CFAP97: variants seen among roughly 807,000 people sequenced by gnomAD.
The protein encoded by CFAP97 is cilia- and flagella-associated protein 97.
In CFAP97, 36 loss-of-function variants were observed where a neutral mutation model predicts 43.1. The observed-to-expected ratio is 0.84, with a 90% CI of 0.64 to 1.10. CFAP97 has a LOEUF of 1.10. Among genes scored for constraint, CFAP97 ranks in the 50% least tolerant of loss-of-function variants. The probability of loss-of-function intolerance (pLI) is 0.00; values close to 1 mark genes in which losing one functional copy is unlikely to be tolerated. For missense variants in CFAP97, 657 were observed against 620.3 expected, an observed-to-expected ratio of 1.06 and a Z score of -0.63; for synonymous variants, 228 against 225.7, an observed-to-expected ratio of 1.01 and a Z score of -0.09.
intron 1 of CFAP97, among the ~76,000 whole-genome samples, chr4:185,199,758 A>G (rs1210860121): frequency 1.3e-5 from 2 of 152,238 alleles, no homozygotes; most frequent in African/African-American, 2.4e-5. Context: ...CAAAAAGCCC[A>G]AATGACAGCA....
chr4:185,187,545 A>G (rs2111378527), intron 2 of CFAP97, among the ~76,000 whole-genome samples: 1 of 152,030 alleles, frequency 6.6e-6, no homozygotes, highest in South Asian at 2.1e-4. Flanking sequence ...CTTGAGAAAC[A>G]GGGAGAAGCA....
At chr4:185,169,819 G>A in intron 3 of CFAP97, 1 of 985,382 alleles carries the variant, frequency 1.0e-6, no homozygotes, top group Non-Finnish European at 1.2e-6. Flanking sequence ...TTCAACAGTG[G>A]GAGTCACACT....
intron 3 of CFAP97, among the ~76,000 whole-genome samples, chr4:185,174,412 A>G (rs764678627): frequency 5.3e-5 from 8 of 152,148 alleles, no homozygotes; most frequent in Non-Finnish European, 1.5e-5. Flanking sequence ...ATCCTCTTGA[A>G]GGGTTCAAGA....
chr4:185,210,243 C>T, upstream of CFAP97: 1 of 985,024 alleles, frequency 1.0e-6, no homozygotes. This position sits in a 1 kb window ranked among gnomAD's most constrained non-coding sequence, Gnocchi z 4.4. Context: ...CAGCCGCCCG[C>T]CGCCCGCCGG....
At chr4:185,165,001 G>A (rs922532183) in intron 3 of CFAP97, among the ~76,000 whole-genome samples, 1 of 152,130 alleles carries the variant, frequency 6.6e-6, no homozygotes, top group East Asian at 1.9e-4. Context: ...GAGGGCCCTC[G>A]GGTCTTCCAC....
chr4:185,177,670 A>T (rs2111349252), intron 2 of CFAP97, among the ~76,000 whole-genome samples: 1 of 152,108 alleles, frequency 6.6e-6, no homozygotes, highest in Non-Finnish European at 1.5e-5. Context: ...CCCCGTCTCT[A>T]CTAAAAATAC....
intron 2 of CFAP97, among the ~76,000 whole-genome samples, chr4:185,178,158 C>T (rs939377930): frequency 8.1e-5 from 12 of 149,066 alleles, no homozygotes; most frequent in African/African-American, 3.0e-4. Flanking sequence ...TTTTGTAGAA[C>T]AAGGCTTCTA....
At chr4:185,184,569 T>G (rs1316064699) in intron 2 of CFAP97, among the ~76,000 whole-genome samples, 1 of 152,170 alleles carries the variant, frequency 6.6e-6, no homozygotes, top group Non-Finnish European at 1.5e-5. Flanking sequence ...CCTAGCAGCC[T>G]AAGAACGAAG....
At chr4:185,209,907 G>C, upstream of CFAP97, 3 of 983,268 alleles carry the variant, frequency 3.1e-6, no homozygotes, top group Non-Finnish European at 3.6e-6. This position sits in a 1 kb window ranked among gnomAD's most constrained non-coding sequence, Gnocchi z 5.2. Context: ...GTCCTGTCTC[G>C]GGCTTCAGGG....
rs564449010 is a variant in CFAP97 at position 185,192,290 on chromosome 4, C to T, written c.-16-1078G>A. ...AAAGGGGAAGAGTATATATGTCTCA[C>T]TGTGTTAAAGGGGGTCTGATATATG... is the stretch of plus-strand genomic sequence containing the variant. On this transcript the variant is annotated intron_variant, in intron 1 of 4. Coordinates refer to ENST00000458385, the MANE Select transcript of CFAP97 (RefSeq NM_020827.3). 4.6e-5 allele frequency among the ~76,000 whole-genome samples: 7 copies of T among 152,274 alleles called. No individual in the cohort carries two copies. The East Asian group carries it at 1.3e-3, about 29-fold the overall frequency.
intron 3 of CFAP97, among the ~76,000 whole-genome samples, chr4:185,171,476 C>T (rs1735300268): frequency 2.0e-5 from 3 of 152,170 alleles, no homozygotes; most frequent in African/African-American, 7.2e-5. Context: ...ATACTACATT[C>T]CTCTAGGAAT....
chr4:185,183,966 G>T (rs1182311970), intron 2 of CFAP97, among the ~76,000 whole-genome samples: 1 of 152,160 alleles, frequency 6.6e-6, no homozygotes, highest in Non-Finnish European at 1.5e-5. Context: ...TCAGGAGTTT[G>T]GGGTAGGATT....
At chr4:185,170,983 CAAAAAAAAAAAAAAAAAA>C (rs70962553) in intron 3 of CFAP97, among the ~76,000 whole-genome samples, 32 of 72,952 alleles carry the variant, frequency 4.4e-4, no homozygotes, top group Admixed American at 5.7e-4. Context: ...GACTTTGTCT[CAAAAAAAAAAAAAAAAAA>C]AAAAAAAAAA....
At chr4:185,206,078 A>G (rs1737176115), upstream of CFAP97, among the ~76,000 whole-genome samples, 1 of 152,254 alleles carries the variant, frequency 6.6e-6, no homozygotes, top group Non-Finnish European at 1.5e-5. Flanking sequence ...TAGCATACTC[A>G]GCCACTGTGG....
intron 2 of CFAP97, among the ~76,000 whole-genome samples, chr4:185,180,639 A>C (rs1735745761): frequency 6.6e-6 from 1 of 151,852 alleles, no homozygotes. Flanking sequence ...ATATGCTCTG[A>C]TAGTATCTTC....
chr4:185,189,245 AAAAC>A (rs1051859072), intron 2 of CFAP97, among the ~76,000 whole-genome samples: 1 of 152,154 alleles, frequency 6.6e-6, no homozygotes, highest in African/African-American at 2.4e-5. Context: ...TCAAAAACAA[AAAAC>A]AAAACCTACA....
Position 185,191,053 on chromosome 4 carries a change from T to C in CFAP97, c.144A>G (p.Thr48=). The change falls in exon 2 of 5, where the codon ACA becomes ACG. Residue 48 remains threonine, a synonymous_variant. Coordinates refer to ENST00000458385, the MANE Select transcript of CFAP97 (RefSeq NM_020827.3). Reference sequence around the variant, plus strand: ...TTCCAGTGTTCGAATTTACATTTTTTGTATCTTTATCTATTCTTTCCTTTG... The same window carrying C: ...TTCCAGTGTTCGAATTTACATTTTTCGTATCTTTATCTATTCTTTCCTTTG... The part of the protein sequence containing the change: ...DDPKERIDKD[T]KNVNSNTGMQ... 1 of 1,613,530 alleles carries C rather than the reference T, an allele frequency of 6.2e-7. No individual in the cohort carries two copies. The highest frequency in any genetic ancestry group is 8.5e-7 in the Non-Finnish European group (1 of 1,179,690).
intron 3 of CFAP97, among the ~76,000 whole-genome samples, chr4:185,167,821 C>A (rs1302583372): frequency 7.1e-6 from 1 of 140,842 alleles, no homozygotes; most frequent in Middle Eastern, 3.6e-3. Flanking sequence ...ATGGTGAAAC[C>A]CCATCTCTAC....
chr4:185,193,289 T>C (rs1277669669), intron 1 of CFAP97, among the ~76,000 whole-genome samples: 1 of 152,164 alleles, frequency 6.6e-6, no homozygotes, highest in African/African-American at 2.4e-5. Flanking sequence ...GAAAAAATAA[T>C]TTCTATGAGA....
Sources: gnomAD v4.1 joint callset for allele counts (sites outside exome capture counted in the v4.1 genomes callset) on GRCh38, gnomAD v4.1.1 for gene constraint, Gnocchi (gnomAD v3.1) non-coding constraint, MANE v1.5 for transcripts, NCBI Gene and HGNC (gene_info 2026-07-23, HGNC 2026-07-21) for gene names.